SDK2: variants seen among roughly 807,000 people sequenced by gnomAD.
SDK2 encodes sidekick cell adhesion molecule 2, also known as protein sidekick-2.
In SDK2, 105 loss-of-function variants were observed where a neutral mutation model predicts 253.9. The ratio of observed to expected loss-of-function variants is 0.41; its 90% confidence interval spans 0.35 to 0.49. SDK2 has a LOEUF of 0.49. SDK2 is among the 20% of genes least tolerant of loss of function. The pLI, the probability that SDK2 is intolerant of heterozygous loss-of-function variation, is 0.06. For missense variants in SDK2, 2,608 were observed against 3,003.0 expected, an observed-to-expected ratio of 0.87 and a Z score of 3.07; for synonymous variants, 1,249 against 1,234.9, an observed-to-expected ratio of 1.01 and a Z score of -0.24.
intron 3 of SDK2, among the ~76,000 whole-genome samples, chr17:73,456,514 G>T (rs1046537396): frequency 6.6e-6 from 1 of 152,120 alleles, no homozygotes; most frequent in Non-Finnish European, 1.5e-5. Context: ...TGAGGTGAAG[G>T]GCAGGTTTCT....
At chr17:73,339,468 C>T (rs1183504966) in intron 44 of SDK2, among the ~76,000 whole-genome samples, 1 of 151,826 alleles carries the variant, frequency 6.6e-6, no homozygotes, top group East Asian at 1.9e-4. Flanking sequence ...GTGATCCACC[C>T]GCTTCACCCT....
At chr17:73,365,754 G>A (rs2062679263) in intron 37 of SDK2, among the ~76,000 whole-genome samples, 1 of 152,176 alleles carries the variant, frequency 6.6e-6, no homozygotes, top group Admixed American at 6.5e-5. Context: ...TCCTGGCTTT[G>A]CGGGGTTCGT....
intron 1 of SDK2, among the ~76,000 whole-genome samples, chr17:73,633,620 T>G (rs1175088438): frequency 6.6e-6 from 1 of 152,210 alleles, no homozygotes; most frequent in Non-Finnish European, 1.5e-5. Flanking sequence ...TTAAAAGAGT[T>G]AAGTGCATTA....
intron 2 of SDK2, among the ~76,000 whole-genome samples, chr17:73,505,997 C>A (rs2063932658): frequency 6.6e-6 from 1 of 152,250 alleles, no homozygotes; most frequent in South Asian, 2.1e-4. Context: ...CAGCTCTGAA[C>A]CAGATAAGGA....
At chr17:73,351,841 A>T (rs568680445) in intron 41 of SDK2, among the ~76,000 whole-genome samples, 1 of 152,018 alleles carries the variant, frequency 6.6e-6, no homozygotes, top group East Asian at 1.9e-4. Context: ...TGGTTCTTCA[A>T]TGTGGGCAAT....
chr17:73,572,175 G>T (rs1255450833), intron 1 of SDK2, among the ~76,000 whole-genome samples: 4 of 152,200 alleles, frequency 2.6e-5, no homozygotes, highest in Non-Finnish European at 5.9e-5. Flanking sequence ...ACAAAATCCT[G>T]TTGAGGGTCC....
At chr17:73,482,490 G>T (rs1285606397) in intron 2 of SDK2, among the ~76,000 whole-genome samples, 1 of 152,228 alleles carries the variant, frequency 6.6e-6, no homozygotes, top group Non-Finnish European at 1.5e-5. Context: ...TGCCAGAAAA[G>T]CCCGTGAGGC....
At chr17:73,559,610 C>T (rs953833183) in intron 1 of SDK2, among the ~76,000 whole-genome samples, 2 of 148,448 alleles carry the variant, frequency 1.3e-5, no homozygotes, top group East Asian at 2.0e-4. Context: ...CCCCCGCCCC[C>T]GCCACCATAC....
chr17:73,506,695 C>T (rs568148043), intron 2 of SDK2, among the ~76,000 whole-genome samples: 3 of 152,302 alleles, frequency 2.0e-5, no homozygotes, highest in South Asian at 2.1e-4. Flanking sequence ...ATAAAACAGG[C>T]GGAGGTGGGA....
chr17:73,416,920 A>G (rs1169138166), intron 16 of SDK2, among the ~76,000 whole-genome samples: 1 of 152,188 alleles, frequency 6.6e-6, no homozygotes, highest in Non-Finnish European at 1.5e-5. Flanking sequence ...CATATCAGAA[A>G]AAGTTTTAGA....
At chr17:73,391,333 G>C in intron 28 of SDK2, 107 bp downstream of exon 28, 3 of 495,618 alleles carry the variant, frequency 6.1e-6, no homozygotes, top group Non-Finnish European at 6.7e-6. Context: ...GGATGTGGAG[G>C]CTCCCTGGAC....
intron 2 of SDK2, among the ~76,000 whole-genome samples, chr17:73,486,005 G>C (rs2063767410): frequency 6.6e-6 from 1 of 152,242 alleles, no homozygotes. Context: ...CTTTGCCATA[G>C]ACTGGAGAGA....
At chr17:73,432,846 ATGTGTGTGCACATGCG>A (rs1161172533) in intron 10 of SDK2, among the ~76,000 whole-genome samples, 7 of 149,796 alleles carry the variant, frequency 4.7e-5, no homozygotes, top group Non-Finnish European at 1.1e-4. Flanking sequence ...ATGTGTGTGC[ATGTGTGTGCACATGCG>A]TGTGTGTGCA....
At chr17:73,396,450 C>T (rs904449240) in intron 24 of SDK2, among the ~76,000 whole-genome samples, 6 of 152,088 alleles carry the variant, frequency 3.9e-5, no homozygotes, top group Admixed American at 1.3e-4. Flanking sequence ...TCCACAGGCT[C>T]ACCCTAGGCT....
chr17:73,491,462 G>A (rs2063806011), intron 2 of SDK2, among the ~76,000 whole-genome samples: 4 of 149,272 alleles, frequency 2.7e-5, no homozygotes, highest in Non-Finnish European at 3.0e-5. Flanking sequence ...AGCCTTGACC[G>A]CCTGGGCTCC....
chr17:73,490,883 C>A (rs997107059), intron 2 of SDK2, among the ~76,000 whole-genome samples: 4 of 152,116 alleles, frequency 2.6e-5, no homozygotes, highest in Admixed American at 6.5e-5. Context: ...TTATTAACCA[C>A]CCTACGAGGT....
Position 73,386,940 on chromosome 17 carries a change from T to C in SDK2, c.4395-392A>G, listed in dbSNP as rs115166554. On this transcript the variant is annotated intron_variant, in intron 30 of 44. Coordinates refer to ENST00000392650, the MANE Select transcript of SDK2 (RefSeq NM_001144952.2). ...CCCCAACAAACTGCCATCTCTTTCT[T>C]TTTTTTTGTTTGAGATGGAGTCTTT... is the stretch of plus-strand genomic sequence containing the variant. Among the ~76,000 whole-genome samples the C allele has an allele frequency of 9.2e-3, 1,398 of 152,138 alleles. 37 individuals are homozygous for C. Among genetic ancestry groups the C allele is most frequent in the East Asian group, 0.088 (455 of 5,172 alleles).
intron 40 of SDK2, 194 bp downstream of exon 40, chr17:73,357,885 T>C: frequency 1.2e-6 from 1 of 826,240 alleles, no homozygotes. Context: ...TCCTGGGGGT[T>C]ACTTAGCTAG....
Position 73,342,428 on chromosome 17 carries a change from T to C in SDK2, c.6166-3488A>G, listed in dbSNP as rs140252873. Among the ~76,000 whole-genome samples the C allele has an allele frequency of 2.6e-3, 395 of 152,300 alleles. 3 individuals are homozygous for C. Among genetic ancestry groups the C allele is most frequent in the African/African-American group, 9.1e-3 (378 of 41,568 alleles). On this transcript the variant is annotated intron_variant, in intron 44 of 44. Coordinates refer to ENST00000392650, the MANE Select transcript of SDK2 (RefSeq NM_001144952.2). Reference sequence around the variant, plus strand: ...ACTCCATATGCCGAGCGGGGGCACCTGATGCTGGGCCGAGTGAGGCTGGCC... The same window carrying C: ...ACTCCATATGCCGAGCGGGGGCACCCGATGCTGGGCCGAGTGAGGCTGGCC...
Sources: allele counts gnomAD v4.1 joint callset (sites outside exome capture counted in the v4.1 genomes callset), GRCh38; gene constraint gnomAD v4.1.1; transcripts MANE v1.5; gene names NCBI Gene and HGNC (gene_info 2026-07-23, HGNC 2026-07-21).